GFPT1: variants seen among roughly 807,000 people sequenced by gnomAD.
GFPT1 encodes the protein glutamine--fructose-6-phosphate transaminase 1.
A neutral mutation model predicts 92.0 loss-of-function variants in GFPT1; 40 were observed. The observed-to-expected ratio is 0.43, with a 90% CI of 0.34 to 0.57. The LOEUF is 0.57. Among genes scored for constraint, GFPT1 ranks in the 20% least tolerant of loss-of-function variants. GFPT1 has a pLI of 0.02. For missense variants in GFPT1, 448 were observed against 869.1 expected (o/e 0.52, Z 6.09); for synonymous variants, 269 against 280.6 (o/e 0.96, Z 0.41).
At position 69,323,175 on chromosome 2, in the gene GFPT1, A is replaced by C. The variant is rs1230008738; in HGVS notation, c.*3014T>G. ...ACTGATTCCAATGTAATAATCACTT[A>C]CTGGGCCACACGCTAGATGACAGAC... On this transcript the variant is annotated 3_prime_UTR_variant, in exon 20 of 20. Transcript: ENST00000357308. 6.6e-6 allele frequency: 1 copy of C among 152,208 alleles called. No homozygotes were observed. Among genetic ancestry groups the C allele is most frequent in the Non-Finnish European group, 1.5e-5 (1 of 68,030 alleles). 9.4% of individuals were successfully genotyped at this position (152,208 alleles called of 1,614,324 possible).
At chr2:69,364,230 T>A (rs554226355) in intron 3 of GFPT1, among the ~76,000 whole-genome samples, 1 of 151,496 alleles carries the variant, frequency 6.6e-6, no homozygotes, top group Non-Finnish European at 1.5e-5. Context: ...TAAAGATAAA[T>A]AAAGATTTAG....
At chr2:69,328,003 GC>G (rs1238268532) in intron 18 of GFPT1, among the ~76,000 whole-genome samples, 2 of 151,356 alleles carry the variant, frequency 1.3e-5, no homozygotes. Context: ...GGAGGCTGAG[GC>G]AGGAAAATTG....
intron 13 of GFPT1, among the ~76,000 whole-genome samples, chr2:69,340,058 T>C (rs1453887023): frequency 6.6e-6 from 1 of 151,212 alleles, no homozygotes; most frequent in East Asian, 1.9e-4. Flanking sequence ...GCTTACCAGA[T>C]ATTTAAAAGT....
chr2:69,354,183 C>T, intron 9 of GFPT1, 76 bp downstream of exon 9: 1 of 1,039,306 alleles, frequency 9.6e-7, no homozygotes, highest in Non-Finnish European at 1.4e-6. Flanking sequence ...TCATTCACTC[C>T]AAGAACAAAA....
chr2:69,327,484 G>A (rs1476170443), intron 18 of GFPT1, among the ~76,000 whole-genome samples: 3 of 151,916 alleles, frequency 2.0e-5, no homozygotes, highest in Admixed American at 6.6e-5. Context: ...TATCGCGTGT[G>A]TGTAATTTTT....
At chr2:69,339,061 G>A (rs1558739415) in intron 13 of GFPT1, among the ~76,000 whole-genome samples, 1 of 152,166 alleles carries the variant, frequency 6.6e-6, no homozygotes, top group Non-Finnish European at 1.5e-5. Flanking sequence ...TGGGATTACA[G>A]GCATGAGCCA....
intron 13 of GFPT1, among the ~76,000 whole-genome samples, chr2:69,340,615 A>C (rs1054158907): frequency 6.6e-6 from 1 of 152,086 alleles, no homozygotes; most frequent in African/African-American, 2.4e-5. Context: ...GAATGATTAG[A>C]GTGTAGTCAG....
At chr2:69,381,311 G>C (rs1672003232) in intron 1 of GFPT1, among the ~76,000 whole-genome samples, 1 of 151,780 alleles carries the variant, frequency 6.6e-6, no homozygotes. Flanking sequence ...TTCTTTTTTT[G>C]TTTTTAAAAT....
chr2:69,372,441 A>C (rs957934942), intron 2 of GFPT1, among the ~76,000 whole-genome samples: 1 of 152,022 alleles, frequency 6.6e-6, no homozygotes, highest in Non-Finnish European at 1.5e-5. Flanking sequence ...GTGGTGGTGC[A>C]TGCCTGTTAT....
intron 6 of GFPT1, among the ~76,000 whole-genome samples, chr2:69,357,789 A>G (rs1231020313): frequency 6.6e-6 from 1 of 152,240 alleles, no homozygotes; most frequent in South Asian, 2.1e-4. Context: ...CAAAAAGAAT[A>G]CTGATTTTCT....
chr2:69,346,432 G>A (rs906341234), intron 11 of GFPT1, among the ~76,000 whole-genome samples: 2 of 152,052 alleles, frequency 1.3e-5, no homozygotes, highest in Non-Finnish European at 2.9e-5. Context: ...TAGAGACAAG[G>A]TTTCACCATA....
intron 2 of GFPT1, among the ~76,000 whole-genome samples, chr2:69,373,419 C>T (rs1332964947): frequency 2.6e-5 from 4 of 152,098 alleles, no homozygotes; most frequent in South Asian, 2.1e-4. Flanking sequence ...GAGTTTGAGA[C>T]CAGCCCAGGC....
intron 14 of GFPT1, 24 bp from the exon 15 acceptor site, chr2:69,338,079 T>C (rs548239705): frequency 1.3e-5 from 21 of 1,611,112 alleles, no homozygotes; most frequent in Non-Finnish European, 1.7e-5. Context: ...AGGCCAACCA[T>C]AACACACAGA....
chr2:69,369,896 A>C, intron 3 of GFPT1, 105 bp downstream of exon 3: 2 of 765,244 alleles, frequency 2.6e-6, no homozygotes, highest in East Asian at 5.1e-5. Context: ...CATTATCATT[A>C]AAATTGGTCC....
At position 69,328,283 on chromosome 2, in the gene GFPT1, C is replaced by G; in HGVS notation, c.1881G>C (p.Val627=). 2 of 1,613,798 alleles carry G rather than the reference C, an allele frequency of 1.2e-6. No individual in the cohort carries two copies. The highest frequency in any genetic ancestry group is 1.7e-6 in the Non-Finnish European group (2 of 1,179,754). ...TCCCCCGACTTACCTGCCGAGCAAC[C>G]ACTTGCTGAAGAGCATTCTGACACT... ...YAKCQNALQQ[V]VARQGRPVVI... Residue 627 remains valine, a synonymous_variant, in exon 18 of 20, where the codon GTG becomes GTC. Transcript: ENST00000357308.
At chr2:69,327,421 C>T (rs914845305) in intron 18 of GFPT1, among the ~76,000 whole-genome samples, 13 of 152,222 alleles carry the variant, frequency 8.5e-5, no homozygotes, top group African/African-American at 2.9e-4. Context: ...CTGAAGAAAA[C>T]TCAATTATAT....
chr2:69,335,416 AT>A (rs1028275200), intron 15 of GFPT1, among the ~76,000 whole-genome samples: 3 of 152,210 alleles, frequency 2.0e-5, no homozygotes, highest in African/African-American at 7.2e-5. Flanking sequence ...TAAAATATAT[AT>A]TTCCCTTGGC....
intron 15 of GFPT1, among the ~76,000 whole-genome samples, chr2:69,337,036 T>A (rs182325694): frequency 6.2e-4 from 94 of 150,980 alleles, no homozygotes; most frequent in African/African-American, 1.4e-3. Flanking sequence ...CATTAAAAAA[T>A]TTTTTTTAAT....
At chr2:69,342,987 C>G (rs1023340463) in intron 12 of GFPT1, among the ~76,000 whole-genome samples, 3 of 152,188 alleles carry the variant, frequency 2.0e-5, no homozygotes, top group Admixed American at 6.5e-5. Flanking sequence ...CAGCAACATT[C>G]TCCAGTTCTC....
Sources: allele counts gnomAD v4.1 joint callset (sites outside exome capture counted in the v4.1 genomes callset), GRCh38; gene constraint gnomAD v4.1.1; transcripts MANE v1.5; gene names NCBI Gene and HGNC (gene_info 2026-07-23, HGNC 2026-07-21).